NPC1: variants seen among roughly 807,000 people sequenced by gnomAD.
The protein encoded by NPC1 is NPC intracellular cholesterol transporter 1, also known as Niemann-Pick C1 protein.
Under a neutral mutation model 140.4 loss-of-function variants are expected in NPC1, and 85 were observed. The ratio of observed to expected loss-of-function variants is 0.61; its 90% CI spans 0.51 to 0.72. The LOEUF (loss-of-function observed/expected upper bound fraction) is 0.72, where lower values mean the gene tolerates loss of function less well. NPC1 is among the 30% of genes least tolerant of loss of function. NPC1 has a pLI of 0.00. For missense variants in NPC1, 1,504 were observed against 1,623.8 expected (o/e 0.93, Z 1.27); for synonymous variants, 656 against 624.8 (o/e 1.05, Z -0.74).
chr18:23,550,744 C>G (rs550753963), intron 10 of NPC1, among the ~76,000 whole-genome samples: 2 of 152,068 alleles, frequency 1.3e-5, no homozygotes, highest in Admixed American at 6.6e-5. Context: ...CCTCGGCCTC[C>G]GAAAGTGCTG....
chr18:23,574,130 G>A (rs1039341786), intron 1 of NPC1, among the ~76,000 whole-genome samples: 1 of 152,164 alleles, frequency 6.6e-6, no homozygotes, highest in Non-Finnish European at 1.5e-5. Flanking sequence ...GAAAAACACC[G>A]AGGCAATCTC....
At chr18:23,509,235 A>G in intron 3 of NPC1, 2 of 1,468,506 alleles carry the variant, frequency 1.4e-6, no homozygotes, top group Non-Finnish European at 1.8e-6. Flanking sequence ...GACTAGTTCA[A>G]CTGAAATTGT....
At chr18:23,520,661 A>G (rs796365529), downstream of NPC1, among the ~76,000 whole-genome samples, 10 of 151,244 alleles carry the variant, frequency 6.6e-5, no homozygotes, top group African/African-American at 2.4e-4. Context: ...TTTTTGACAG[A>G]GCCTCACTTT....
chr18:23,545,037 C>T lies in NPC1; in HGVS notation c.1870G>A (p.Val624Ile), dbSNP rs76615690. Reference protein sequence around the residue: ...NRESDSDVFTVVISYAIMFLY... With the variant: ...NRESDSDVFTIVISYAIMFLY... The stretch of plus-strand genomic sequence containing the variant: ...AACATGATGGCATAGCTAATTACAA[C>T]GGTGAAGACATCACTGTCACTTTCA... Residue 624 changes from valine (V) to isoleucine (I), a missense_variant, in exon 12 of 25, where the codon GTT becomes ATT. Coordinates refer to ENST00000269228, the MANE Select transcript of NPC1 (RefSeq NM_000271.5). The T allele has an allele frequency of 6.6e-5, 106 of 1,596,294 alleles. No individual in the cohort carries two copies. In the East Asian group the frequency reaches 9.0e-4, roughly 13 times the overall value.
chr18:23,560,612 T>C (rs748918345), intron 5 of NPC1, 132 bp from the exon 6 acceptor site: 1 of 1,000,502 alleles, frequency 1.0e-6, no homozygotes, highest in Non-Finnish European at 1.5e-6. Context: ...TTGGAGGTTT[T>C]AGTTTAATTA....
intron 14 of NPC1, among the ~76,000 whole-genome samples, chr18:23,542,266 T>G (rs1048063523): frequency 6.6e-6 from 1 of 151,816 alleles, no homozygotes; most frequent in African/African-American, 2.4e-5. Context: ...CTTTTTTTTT[T>G]TTTTTTCTGC....
At chr18:23,569,657 T>C (rs1267502771) in intron 3 of NPC1, among the ~76,000 whole-genome samples, 1 of 152,172 alleles carries the variant, frequency 6.6e-6, no homozygotes, top group African/African-American at 2.4e-5. Flanking sequence ...ATAATGAGAA[T>C]TATGAGAATC....
At chr18:23,569,140 A>T in intron 3 of NPC1, 142 bp from the exon 4 acceptor site, 1 of 651,326 alleles carries the variant, frequency 1.5e-6, no homozygotes, top group South Asian at 1.9e-5. Flanking sequence ...CAGCAATTCT[A>T]AACTTAAAAC....
chr18:23,574,046 C>G (rs185907131), intron 1 of NPC1, among the ~76,000 whole-genome samples: 114 of 152,194 alleles, frequency 7.5e-4, no homozygotes, highest in African/African-American at 2.6e-3. Flanking sequence ...CATCAACACC[C>G]CAATGTAAAG....
intron 10 of NPC1, among the ~76,000 whole-genome samples, chr18:23,550,303 C>T (rs947660330): frequency 2.2e-4 from 34 of 151,754 alleles, no homozygotes; most frequent in African/African-American, 7.8e-4. Flanking sequence ...GAATAACTCT[C>T]GGCCCAGTTT....
downstream of NPC1, chr18:23,524,461 A>G (rs147982431): frequency 4.9e-4 from 785 of 1,614,142 alleles, no homozygotes; most frequent in Non-Finnish European, 6.2e-4. Flanking sequence ...TCAACCTGAC[A>G]TCATTATCAG....
intron 3 of NPC1, chr18:23,508,107 A>G: frequency 7.0e-7 from 1 of 1,421,412 alleles, no homozygotes; most frequent in South Asian, 1.5e-5. Context: ...TGTAGTGGAG[A>G]GCGGGGCATT....
chr18:23,525,727 AT>A (rs975127201), downstream of NPC1, among the ~76,000 whole-genome samples: 4 of 149,322 alleles, frequency 2.7e-5, no homozygotes, highest in South Asian at 2.1e-4. Context: ...CCGGCCTATA[AT>A]TTTTTTTTTG....
In NPC1 at chr18:23,545,029, A is replaced by G. The variant is rs2058768873; in HGVS notation, c.1878T>C (p.Ile626=). 2 of 1,598,254 alleles carry G rather than the reference A, an allele frequency of 1.3e-6. No individual in the cohort carries two copies. Among genetic ancestry groups the G allele is most frequent in the Non-Finnish European group, 1.7e-6 (2 of 1,171,590 alleles). Residue 626 remains isoleucine (I), a synonymous_variant, in exon 12 of 25, where the codon ATT becomes ATC. Transcript: ENST00000269228. ...TATATAGAAACATGATGGCATAGCT[A>G]ATTACAACGGTGAAGACATCACTGT... The part of the protein sequence containing the change: ...ESDSDVFTVV[I]SYAIMFLYIS...
chr18:23,531,795 T>TATC lies in NPC1; in HGVS notation c.*404_*406dup. On this transcript the variant is annotated 3_prime_UTR_variant, in exon 25 of 25. Transcript: ENST00000269228. ...TTAAACTATAAAATGTTATAAAGTG[T>TATC]ATCTACAACCTCAACTGTCACTAAA... 6.5e-7 allele frequency: 1 copy of TATC among 1,539,856 alleles called. No individual in the cohort carries two copies.
chr18:23,506,318 C>T (rs2057716014), exon 4 of NPC1: 1 of 152,132 alleles, frequency 6.6e-6, no homozygotes, highest in Non-Finnish European at 1.5e-5. Context: ...TGAACATGTT[C>T]AGACCCCGAA....
At chr18:23,555,063 T>C in intron 8 of NPC1, 79 bp from the exon 9 acceptor site, 1 of 915,600 alleles carries the variant, frequency 1.1e-6, no homozygotes. Flanking sequence ...AGCATTGCCC[T>C]GAGGGTCAGA....
At chr18:23,564,696 TTC>T (rs1432987616) in intron 4 of NPC1, among the ~76,000 whole-genome samples, 1 of 152,222 alleles carries the variant, frequency 6.6e-6, no homozygotes, top group Non-Finnish European at 1.5e-5. Context: ...TAATCTTTTC[TTC>T]TGTTATTGCT....
intron 9 of NPC1, 102 bp from the exon 10 acceptor site, chr18:23,551,829 T>C: frequency 2.4e-6 from 2 of 840,736 alleles, no homozygotes; most frequent in Admixed American, 3.5e-5. Context: ...GGCTGTATTC[T>C]AAGGACAACA....
Sources: allele counts gnomAD v4.1 joint callset (sites outside exome capture counted in the v4.1 genomes callset), GRCh38; gene constraint gnomAD v4.1.1; transcripts MANE v1.5; gene names NCBI Gene and HGNC (gene_info 2026-07-23, HGNC 2026-07-21).